PARD3: variants seen among roughly 807,000 people sequenced by gnomAD.
PARD3 encodes par-3 family cell polarity regulator, also known as partitioning defective 3 homolog.
In PARD3, 75 loss-of-function variants were observed where a neutral mutation model predicts 155.4. The observed-to-expected ratio is 0.48, with a 90% CI of 0.40 to 0.58. The LOEUF (loss-of-function observed/expected upper bound fraction) is 0.58, where lower values mean the gene tolerates loss of function less well. PARD3 is among the 20% of genes least tolerant of loss of function. The pLI, the probability that PARD3 is intolerant of heterozygous loss-of-function variation, is 0.00. For missense variants in PARD3, 1,642 were observed against 1,721.7 expected (o/e 0.95, Z 0.82); for synonymous variants, 576 against 610.5 (o/e 0.94, Z 0.83).
intron 2 of PARD3, among the ~76,000 whole-genome samples, chr10:34,660,616 T>C (rs1307130011): frequency 7.2e-5 from 11 of 151,968 alleles, no homozygotes; most frequent in Admixed American, 5.2e-4. Context: ...CATTTCAGAA[T>C]AAAGTGTATC....
At position 34,723,701 on chromosome 10, in the gene PARD3, C is replaced by T. The variant is rs950408068; in HGVS notation, c.121-27282G>A. ...GCTTGTTCCCCGCCTAGGGAAAAAG[C>T]TCAATCACTTCATAAATCTGGCATC... On this transcript the variant is annotated intron_variant, in intron 1 of 24. Transcript: ENST00000374788. Among the ~76,000 whole-genome samples the T allele has an allele frequency of 2.0e-5, 3 of 152,318 alleles. No individual in the cohort carries two copies. The South Asian group carries it at 6.2e-4, about 32-fold the overall frequency.
At chr10:34,129,507 G>A (rs1355849934) in intron 23 of PARD3, among the ~76,000 whole-genome samples, 1 of 152,112 alleles carries the variant, frequency 6.6e-6, no homozygotes, top group South Asian at 2.1e-4. Context: ...GGCCGGAAGA[G>A]CCAGGCCACC....
intron 22 of PARD3, among the ~76,000 whole-genome samples, chr10:34,232,852 C>A (rs1188973746): frequency 6.6e-6 from 1 of 151,896 alleles, no homozygotes; most frequent in African/African-American, 2.4e-5. Flanking sequence ...AGGCACATGC[C>A]ATCACGTGTG....
intron 1 of PARD3, among the ~76,000 whole-genome samples, chr10:34,808,135 G>A (rs1258796051): frequency 1.1e-4 from 16 of 152,008 alleles, no homozygotes; most frequent in Admixed American, 1.0e-3. Flanking sequence ...CCAACATGGC[G>A]AGATGCCGTC....
chr10:34,541,683 T>TG (rs1188560327), intron 2 of PARD3, among the ~76,000 whole-genome samples: 10 of 152,192 alleles, frequency 6.6e-5, no homozygotes, highest in Non-Finnish European at 1.5e-4. Flanking sequence ...TGTCCACAAA[T>TG]GCAGTGTCCA....
rs531708687 is a variant in PARD3, at chr10:34,346,811, G to A, written c.2218+1154C>T. ...CTTGTCTAAGTTCCACATGTAACAA[G>A]ATAAGAAATTACATATTCAGCAATT... On this transcript the variant is annotated intron_variant, in intron 15 of 24. Coordinates refer to ENST00000374788, the MANE Select transcript of PARD3 (RefSeq NM_001184785.2). Among the ~76,000 whole-genome samples, 11 of 152,290 alleles carry A rather than the reference G, an allele frequency of 7.2e-5. 1 individual carries two copies. Among genetic ancestry groups the A allele is most frequent in the Admixed American group, 2.6e-4 (4 of 15,300 alleles).
chr10:34,758,003 T>A (rs1836969394), intron 1 of PARD3, among the ~76,000 whole-genome samples: 1 of 152,238 alleles, frequency 6.6e-6, no homozygotes, highest in African/African-American at 2.4e-5. Flanking sequence ...AGCTTCCTTA[T>A]TGGCAGACTT....
At chr10:34,332,346 C>A (rs1286780771) in intron 18 of PARD3, among the ~76,000 whole-genome samples, 1 of 152,092 alleles carries the variant, frequency 6.6e-6, no homozygotes, top group African/African-American at 2.4e-5. Flanking sequence ...ACTGAAATAC[C>A]AGCTCTGCAC....
intron 4 of PARD3, among the ~76,000 whole-genome samples, chr10:34,467,428 A>G (rs1369815932): frequency 6.6e-6 from 1 of 151,450 alleles, no homozygotes; most frequent in Non-Finnish European, 1.5e-5. Context: ...AGTTCGCCAA[A>G]TTTTCTACAA....
At chr10:34,408,354 T>C (rs1476566613) in intron 5 of PARD3, among the ~76,000 whole-genome samples, 1 of 152,210 alleles carries the variant, frequency 6.6e-6, no homozygotes, top group Non-Finnish European at 1.5e-5. Context: ...AACTAAATGT[T>C]CTTTTTCATA....
At chr10:34,628,456 T>C (rs899305607) in intron 2 of PARD3, among the ~76,000 whole-genome samples, 1 of 152,236 alleles carries the variant, frequency 6.6e-6, no homozygotes, top group Non-Finnish European at 1.5e-5. Context: ...GTATGGATTT[T>C]AGGCTTTGCA....
chr10:34,332,464 G>T (rs1835717950), intron 18 of PARD3, among the ~76,000 whole-genome samples: 1 of 152,070 alleles, frequency 6.6e-6, no homozygotes, highest in Non-Finnish European at 1.5e-5. Flanking sequence ...ATCTCTGCAT[G>T]GGGTCATCAG....
chr10:34,346,103 A>T (rs1837394265), intron 15 of PARD3: 1 of 1,004,866 alleles, frequency 1.0e-6, no homozygotes, highest in Middle Eastern at 4.9e-4. Context: ...AAAACACAGA[A>T]CTGGGAGAGA....
At chr10:34,160,743 T>TGTAAACTTTGTGAA (rs1214285479) in intron 22 of PARD3, among the ~76,000 whole-genome samples, 2 of 152,186 alleles carry the variant, frequency 1.3e-5, no homozygotes, top group Non-Finnish European at 2.9e-5. Context: ...CTTACCAACA[T>TGTAAACTTTGTGAA]GTAAACTTTG....
intron 2 of PARD3, among the ~76,000 whole-genome samples, chr10:34,681,741 TATATATATATATATATATATATATATA>T (rs2093829733): frequency 6.8e-5 from 1 of 14,764 alleles, no homozygotes; most frequent in East Asian, 1.4e-3. Context: ...TATATATATA[TATATATATATATATATATATATATATA>T]TTTTTTTTTT....
chr10:34,659,491 G>A lies in PARD3; in HGVS notation c.222+36827C>T, dbSNP rs569452371. On this transcript the variant is annotated intron_variant, in intron 2 of 24. Transcript: ENST00000374788. ...TTTTAAAGGAAGTGCCACTCACATT[G>A]TAGCACCCAGAGGCCATTTCTTAAT... Among the ~76,000 whole-genome samples the A allele has an allele frequency of 1.1e-3, 172 of 152,044 alleles. 1 individual carries two copies. The highest frequency in any genetic ancestry group is 3.9e-3 in the African/African-American group (161 of 41,464).
At chr10:34,259,707 T>C (rs1401566803) in intron 22 of PARD3, among the ~76,000 whole-genome samples, 2 of 152,178 alleles carry the variant, frequency 1.3e-5, no homozygotes, top group African/African-American at 2.4e-5. Context: ...AGAGAAGATA[T>C]GGCAATCTAC....
chr10:34,643,391 C>G, intron 2 of PARD3, among the ~76,000 whole-genome samples: 1 of 152,238 alleles, frequency 6.6e-6, no homozygotes, highest in East Asian at 1.9e-4. Flanking sequence ...ACAGAACCAG[C>G]TCAGCAAACC....
chr10:34,261,883 C>T (rs1444407298), intron 22 of PARD3, among the ~76,000 whole-genome samples: 1 of 152,274 alleles, frequency 6.6e-6, no homozygotes, highest in South Asian at 2.1e-4. Flanking sequence ...AGGAATATGA[C>T]ACCTGCAAGA....
Sources: allele counts gnomAD v4.1 joint callset (sites outside exome capture counted in the v4.1 genomes callset), GRCh38; gene constraint gnomAD v4.1.1; transcripts MANE v1.5; gene names NCBI Gene and HGNC (gene_info 2026-07-23, HGNC 2026-07-21).